FHIT: variants seen among roughly 807,000 people sequenced by gnomAD.
The protein encoded by FHIT is bis(5'-adenosyl)-triphosphatase.
In FHIT, 19 loss-of-function variants were observed where a neutral mutation model predicts 17.9. The observed-to-expected ratio is 1.06, with a 90% CI of 0.74 to 1.56. The LOEUF (loss-of-function observed/expected upper bound fraction) is 1.56. Among genes scored for constraint, FHIT ranks in the 40% most tolerant of loss-of-function variants. FHIT has a pLI of 0.00. For missense variants in FHIT, 248 were observed against 189.2 expected (o/e 1.31, Z -1.82); for synonymous variants, 81 against 69.7 (o/e 1.16, Z -0.81).
At chr3:60,193,588 T>C (rs1305670978) in intron 5 of FHIT, among the ~76,000 whole-genome samples, 1 of 152,208 alleles carries the variant, frequency 6.6e-6, no homozygotes, top group Admixed American at 6.5e-5. Flanking sequence ...TATGCATACC[T>C]ATAACCATGG....
intron 4 of FHIT, among the ~76,000 whole-genome samples, chr3:60,745,942 C>T (rs1446484276): frequency 6.6e-6 from 1 of 152,136 alleles, no homozygotes; most frequent in African/African-American, 2.4e-5. Context: ...GCATAAGACT[C>T]CACAGGAAAC....
At chr3:59,763,318 A>G (rs1043865350) in intron 8 of FHIT, among the ~76,000 whole-genome samples, 2 of 152,210 alleles carry the variant, frequency 1.3e-5, no homozygotes, top group African/African-American at 4.8e-5. Context: ...ATGCTACGCA[A>G]ACACACAACT....
intron 5 of FHIT, among the ~76,000 whole-genome samples, chr3:60,083,275 G>T (rs1703364832): frequency 6.6e-6 from 1 of 152,010 alleles, no homozygotes; most frequent in Admixed American, 6.6e-5. Flanking sequence ...GGAGGTGTGA[G>T]GTTTTATTTC....
intron 2 of FHIT, among the ~76,000 whole-genome samples, chr3:61,127,851 CAGAGCA>C (rs1449798363): frequency 6.6e-6 from 1 of 151,896 alleles, no homozygotes; most frequent in African/African-American, 2.4e-5. Context: ...GTCTGGGCAA[CAGAGCA>C]AGACTCTGTC....
At chr3:60,933,937 A>G (rs1708076341) in intron 3 of FHIT, among the ~76,000 whole-genome samples, 3 of 152,174 alleles carry the variant, frequency 2.0e-5, no homozygotes, top group Non-Finnish European at 4.4e-5. Flanking sequence ...GGAATCTATC[A>G]GGCCTCACAC....
At chr3:60,421,905 G>C (rs945354076) in intron 5 of FHIT, among the ~76,000 whole-genome samples, 2 of 152,024 alleles carry the variant, frequency 1.3e-5, no homozygotes, top group African/African-American at 4.8e-5. Context: ...CTTGTTCAGG[G>C]GCCATTGCAA....
intron 8 of FHIT, among the ~76,000 whole-genome samples, chr3:59,780,631 C>T (rs1029513367): frequency 9.2e-5 from 14 of 152,152 alleles, no homozygotes; most frequent in African/African-American, 2.7e-4. Flanking sequence ...TAGATGAGGT[C>T]ATGAAGGTGG....
At chr3:61,144,157 C>T (rs1232458130) in intron 2 of FHIT, among the ~76,000 whole-genome samples, 7 of 152,154 alleles carry the variant, frequency 4.6e-5, no homozygotes, top group Non-Finnish European at 1.0e-4. Flanking sequence ...AACATTTCCT[C>T]ATCCCAAAAA....
At chr3:59,910,467 C>A (rs1189634501) in intron 8 of FHIT, among the ~76,000 whole-genome samples, 1 of 152,168 alleles carries the variant, frequency 6.6e-6, no homozygotes, top group Non-Finnish European at 1.5e-5. Context: ...TTTCCTTTCA[C>A]ATTTCCCCCC....
intron 3 of FHIT, among the ~76,000 whole-genome samples, chr3:61,030,833 G>C (rs973273147): frequency 6.6e-6 from 1 of 152,174 alleles, no homozygotes; most frequent in Admixed American, 6.5e-5. Context: ...GGGCAGGGGG[G>C]TAGTTTCAAA....
chr3:60,387,960 G>A (rs974632030), intron 5 of FHIT, among the ~76,000 whole-genome samples: 2 of 151,992 alleles, frequency 1.3e-5, no homozygotes, highest in African/African-American at 4.8e-5. Context: ...TGGTTAAAAG[G>A]AGCCTGACAC....
At position 61,036,922 on chromosome 3, in the gene FHIT, G is replaced by GTTTTTT. The variant is rs1360637156; in HGVS notation, c.-111+5119_-111+5124dup. Reference sequence around the variant, plus strand: ...CTTTGTTTTTTTTTTTTGTTTGTTTGTTTTTTTGAGATGGAGTCTCGCTCT... The same window carrying GTTTTTT: ...CTTTGTTTTTTTTTTTTGTTTGTTTGTTTTTTTTTTTTTGAGATGGAGTCTCGCTCT... On this transcript the variant is annotated intron_variant, in intron 3 of 9. Transcript: ENST00000492590. Among the ~76,000 whole-genome samples, 253 of 96,332 alleles carry GTTTTTT rather than the reference G, an allele frequency of 2.6e-3. 3 individuals are homozygous for GTTTTTT. Among genetic ancestry groups the GTTTTTT allele is most frequent in the African/African-American group, 9.7e-3 (246 of 25,288 alleles). The allele number at this position is 96,332 out of a possible 152,430, so 63.2% of individuals were successfully genotyped here. A position where few individuals can be genotyped will look rare whatever the true frequency, so the allele number is the denominator to read the frequency against.
At chr3:60,520,987 T>C (rs892181318) in intron 5 of FHIT, among the ~76,000 whole-genome samples, 1 of 152,188 alleles carries the variant, frequency 6.6e-6, no homozygotes, top group Non-Finnish European at 1.5e-5. Flanking sequence ...AAAAGGCTCA[T>C]ATCAAATGCC....
At chr3:61,054,430 G>A (rs2034142357) in intron 2 of FHIT, among the ~76,000 whole-genome samples, 1 of 152,018 alleles carries the variant, frequency 6.6e-6, no homozygotes, top group African/African-American at 2.4e-5. Context: ...GTGACATACA[G>A]TGCTAATGAT....
chr3:60,426,497 A>C (rs1025081685), intron 5 of FHIT, among the ~76,000 whole-genome samples: 1 of 152,090 alleles, frequency 6.6e-6, no homozygotes, highest in Non-Finnish European at 1.5e-5. Context: ...ACTCCCTGTA[A>C]AAAATGTTAG....
chr3:61,146,772 A>T (rs1346330729), intron 2 of FHIT, among the ~76,000 whole-genome samples: 1 of 152,094 alleles, frequency 6.6e-6, no homozygotes, highest in Non-Finnish European at 1.5e-5. Context: ...TATGCAAAGA[A>T]ACTACTGTAG....
chr3:60,254,402 T>C (rs1705878836), intron 5 of FHIT, among the ~76,000 whole-genome samples: 1 of 152,124 alleles, frequency 6.6e-6, no homozygotes, highest in South Asian at 2.1e-4. Flanking sequence ...AAAATGATTT[T>C]TCCCAATATA....
intron 4 of FHIT, among the ~76,000 whole-genome samples, chr3:60,667,865 T>C (rs2040415965): frequency 6.6e-6 from 1 of 152,070 alleles, no homozygotes; most frequent in South Asian, 2.1e-4. Flanking sequence ...GCTTGATTAA[T>C]CTGGTTGCAA....
intron 4 of FHIT, among the ~76,000 whole-genome samples, chr3:60,749,616 A>G (rs17063911): frequency 0.033 from 4,980 of 152,308 alleles, 277 homozygotes; most frequent in African/African-American, 0.11. Flanking sequence ...TAAGGAAGCC[A>G]GTCAGGAGAA....
Sources: gnomAD v4.1 joint callset for allele counts (sites outside exome capture counted in the v4.1 genomes callset) on GRCh38, gnomAD v4.1.1 for gene constraint, MANE v1.5 for transcripts, NCBI Gene and HGNC (gene_info 2026-07-23, HGNC 2026-07-21) for gene names.